ZNF385D: variants seen among roughly 807,000 people sequenced by gnomAD.
ZNF385D encodes zinc finger protein 385D.
Under a neutral mutation model 35.8 loss-of-function variants are expected in ZNF385D, and 15 were observed. The ratio of observed to expected loss-of-function variants is 0.42; its 90% CI spans 0.28 to 0.64. The LOEUF (loss-of-function observed/expected upper bound fraction) is 0.64. Ranked by LOEUF, ZNF385D falls within the 30% of genes least tolerant of loss-of-function variation. The pLI is 0.23. For missense variants in ZNF385D, 474 were observed against 494.6 expected (o/e 0.96, Z 0.39); for synonymous variants, 212 against 186.8 (o/e 1.13, Z -1.10).
intron 3 of ZNF385D, among the ~76,000 whole-genome samples, chr3:21,993,151 T>C (rs935049906): frequency 1.3e-5 from 2 of 152,190 alleles, no homozygotes; most frequent in African/African-American, 4.8e-5. Flanking sequence ...GGAAAAGATA[T>C]CAGCTATGGA....
chr3:22,358,335 C>T (rs1236124926), intron 2 of ZNF385D, among the ~76,000 whole-genome samples: 4 of 151,794 alleles, frequency 2.6e-5, no homozygotes, highest in African/African-American at 7.3e-5. Context: ...TCCTAAATTC[C>T]ATCAATATGC....
intron 2 of ZNF385D, among the ~76,000 whole-genome samples, chr3:21,648,777 C>A (rs2065828098): frequency 6.6e-6 from 1 of 152,054 alleles, no homozygotes; most frequent in Non-Finnish European, 1.5e-5. Context: ...TCACAGCTAC[C>A]CAAGACAAGT....
At chr3:21,723,764 G>T (rs2068639458) in intron 1 of ZNF385D, among the ~76,000 whole-genome samples, 1 of 152,122 alleles carries the variant, frequency 6.6e-6, no homozygotes, top group Non-Finnish European at 1.5e-5. Context: ...AACCTAGCAA[G>T]GCAGGCCAAC....
chr3:21,921,787 A>T (rs1700476240), intron 3 of ZNF385D, among the ~76,000 whole-genome samples: 1 of 151,862 alleles, frequency 6.6e-6, no homozygotes, highest in South Asian at 2.1e-4. Context: ...AGATTGAATC[A>T]AGAAGAATTT....
chr3:22,096,379 T>A (rs1017238725), intron 3 of ZNF385D, among the ~76,000 whole-genome samples: 5 of 152,008 alleles, frequency 3.3e-5, no homozygotes, highest in Admixed American at 2.0e-4. Flanking sequence ...AAACTGTTTA[T>A]GGCTTATTGT....
rs144661904 is a variant in ZNF385D, at chr3:22,291,121, G to A, written c.106+81329C>T. Among the ~76,000 whole-genome samples, 369 of 152,100 alleles carry A rather than the reference G, an allele frequency of 2.4e-3. 6 individuals are homozygous for A. Among genetic ancestry groups the A allele is most frequent in the African/African-American group, 8.3e-3 (345 of 41,500 alleles). On this transcript the variant is annotated intron_variant, in intron 2 of 5. Coordinates refer to the ZNF385D transcript ENST00000494108. ...GCTTCATCATATGAAATGGGGAGGA[G>A]GGCACAAAAATTCAGTCCATAATAC...
At chr3:21,425,729 A>G in intron 5 of ZNF385D, 59 bp from the exon 6 acceptor site, 1 of 1,465,368 alleles carries the variant, frequency 6.8e-7, no homozygotes, top group Non-Finnish European at 9.1e-7. Flanking sequence ...GAGGGAGAGA[A>G]GGAGGTGGGA....
At chr3:22,347,173 G>C (rs1471175435) in intron 2 of ZNF385D, among the ~76,000 whole-genome samples, 1 of 152,122 alleles carries the variant, frequency 6.6e-6, no homozygotes, top group East Asian at 1.9e-4. Context: ...TTGAGCTATA[G>C]AGCAAAATCA....
chr3:22,130,797 G>T (rs1703740697), intron 3 of ZNF385D, among the ~76,000 whole-genome samples: 1 of 152,042 alleles, frequency 6.6e-6, no homozygotes, highest in Non-Finnish European at 1.5e-5. Context: ...CAGATTTTTG[G>T]TTCTTATGAA....
chr3:21,818,166 G>A (rs970130077), intron 3 of ZNF385D, among the ~76,000 whole-genome samples: 6 of 151,872 alleles, frequency 4.0e-5, no homozygotes, highest in Admixed American at 1.3e-4. Context: ...CACCACACAC[G>A]GGGGCCTGTC....
intron 3 of ZNF385D, among the ~76,000 whole-genome samples, chr3:22,073,802 A>C (rs1700339401): frequency 6.6e-6 from 1 of 151,898 alleles, no homozygotes; most frequent in Admixed American, 6.6e-5. Flanking sequence ...CTATTTTTAG[A>C]ATTTTAAAAA....
At chr3:22,075,375 C>G (rs911550408) in intron 3 of ZNF385D, among the ~76,000 whole-genome samples, 2 of 151,932 alleles carry the variant, frequency 1.3e-5, no homozygotes, top group Non-Finnish European at 2.9e-5. Flanking sequence ...TTCAATTTCA[C>G]TCTAATCTGA....
intron 4 of ZNF385D, among the ~76,000 whole-genome samples, chr3:21,457,575 C>T (rs1383563944): frequency 6.6e-6 from 1 of 152,086 alleles, no homozygotes; most frequent in African/African-American, 2.4e-5. Flanking sequence ...AGGCTGGTCT[C>T]AAACTCCTGA....
intron 3 of ZNF385D, among the ~76,000 whole-genome samples, chr3:21,892,207 A>G (rs570409662): frequency 6.6e-6 from 1 of 152,184 alleles, no homozygotes; most frequent in African/African-American, 2.4e-5. Flanking sequence ...AGATGGAAAA[A>G]TTTGAATATA....
intron 3 of ZNF385D, among the ~76,000 whole-genome samples, chr3:22,041,999 A>G (rs928431774): frequency 6.6e-6 from 1 of 152,178 alleles, no homozygotes; most frequent in African/African-American, 2.4e-5. Context: ...TTATTGCCTT[A>G]CAAAAGTTGG....
chr3:22,045,088 C>T (rs1216895593), intron 3 of ZNF385D, among the ~76,000 whole-genome samples: 1 of 151,930 alleles, frequency 6.6e-6, no homozygotes, highest in East Asian at 1.9e-4. Flanking sequence ...TTTATTAGCT[C>T]CCATCGGATC....
At chr3:22,257,707 T>G (rs964306670) in intron 2 of ZNF385D, among the ~76,000 whole-genome samples, 1 of 151,868 alleles carries the variant, frequency 6.6e-6, no homozygotes, top group East Asian at 1.9e-4. Flanking sequence ...CTTTTAAATA[T>G]TCATCCTTTT....
intron 3 of ZNF385D, among the ~76,000 whole-genome samples, chr3:21,813,409 A>G (rs141417854): frequency 0.02 from 3,088 of 152,316 alleles, 100 homozygotes; most frequent in African/African-American, 0.069. Flanking sequence ...TCTCCGAGCT[A>G]AAGGAGGATG....
chr3:22,270,920 T>C (rs958870651), intron 2 of ZNF385D, among the ~76,000 whole-genome samples: 4 of 152,076 alleles, frequency 2.6e-5, no homozygotes, highest in African/African-American at 9.6e-5. Flanking sequence ...ACTGTGTTCA[T>C]GTGGACCCAT....
Sources: allele counts gnomAD v4.1 joint callset (sites outside exome capture counted in the v4.1 genomes callset), GRCh38; gene constraint gnomAD v4.1.1; transcripts MANE v1.5; gene names NCBI Gene and HGNC (gene_info 2026-07-23, HGNC 2026-07-21).